The following RABGAP1L variants were observed in gnomAD, a reference collection of about 807,000 sequenced individuals.
RABGAP1L encodes the protein rab GTPase-activating protein 1-like.
Under a neutral mutation model 137.7 loss-of-function variants are expected in RABGAP1L, and 63 were observed. That is an observed-to-expected ratio of 0.46 (90% CI 0.37 to 0.56). RABGAP1L has a LOEUF of 0.56. Ranked by LOEUF, RABGAP1L falls within the 20% of genes least tolerant of loss-of-function variation. The probability of loss-of-function intolerance (pLI) is 0.00; values close to 1 mark genes in which losing one functional copy is unlikely to be tolerated. For synonymous variants in RABGAP1L, 431 were observed against 433.7 expected, an observed-to-expected ratio of 0.99 and a Z score of 0.08; for missense variants, 1,095 against 1,244.0, an observed-to-expected ratio of 0.88 and a Z score of 1.80.
chr1:174,543,779 A>G (rs909482777), intron 13 of RABGAP1L, among the ~76,000 whole-genome samples: 39 of 152,204 alleles, frequency 2.6e-4, no homozygotes, highest in African/African-American at 8.4e-4. Flanking sequence ...AGCTCTTGTA[A>G]GGCAGGCCTG....
intron 19 of RABGAP1L, among the ~76,000 whole-genome samples, chr1:174,845,824 TG>T (rs1280959952): frequency 1.6e-5 from 2 of 127,256 alleles, no homozygotes; most frequent in Non-Finnish European, 3.3e-5. Flanking sequence ...CTTGTACCTC[TG>T]GTAGAATTCA....
intron 19 of RABGAP1L, among the ~76,000 whole-genome samples, chr1:174,904,111 A>C (rs1658622724): frequency 6.6e-6 from 1 of 152,114 alleles, no homozygotes; most frequent in Admixed American, 6.6e-5. Context: ...AGTCAGTAGG[A>C]GAACTGAACT....
chr1:174,293,598 G>T (rs1390005066), intron 10 of RABGAP1L, among the ~76,000 whole-genome samples: 2 of 151,948 alleles, frequency 1.3e-5, no homozygotes, highest in African/African-American at 4.8e-5. Context: ...CTTTCCTTTA[G>T]TCTAGGTTTT....
At chr1:174,403,348 TG>T (rs1275356562) in intron 13 of RABGAP1L, among the ~76,000 whole-genome samples, 2 of 151,296 alleles carry the variant, frequency 1.3e-5, no homozygotes, top group African/African-American at 4.9e-5. Flanking sequence ...TCTTCACAGG[TG>T]TGATCATAGT....
intron 1 of RABGAP1L, among the ~76,000 whole-genome samples, chr1:174,174,193 A>AC (rs1665640657): frequency 1.8e-5 from 2 of 111,808 alleles, no homozygotes; most frequent in South Asian, 6.2e-4. Context: ...TTGGAAAAAA[A>AC]ATACACACAC....
At chr1:174,497,257 C>T (rs1660828177) in intron 13 of RABGAP1L, among the ~76,000 whole-genome samples, 1 of 152,150 alleles carries the variant, frequency 6.6e-6, no homozygotes, top group African/African-American at 2.4e-5. Context: ...AATAGGATCT[C>T]TTTTCCTTTT....
chr1:174,202,361 T>C (rs1302779662), intron 1 of RABGAP1L, among the ~76,000 whole-genome samples: 1 of 152,210 alleles, frequency 6.6e-6, no homozygotes, highest in African/African-American at 2.4e-5. Flanking sequence ...TGTGAGATGG[T>C]ATCTCATTGT....
At chr1:174,379,166 A>G (rs1014369386) in intron 12 of RABGAP1L, among the ~76,000 whole-genome samples, 13 of 149,738 alleles carry the variant, frequency 8.7e-5, no homozygotes, top group Admixed American at 5.3e-4. Flanking sequence ...TGGTACCAGT[A>G]CCATGCTGTT....
In RABGAP1L at chr1:174,784,909, C is replaced by T. The variant is rs1687341307; in HGVS notation, c.2212-26923C>T. ...ATTATTAAATCATAAGCAACTCCTC[C>T]TTAAATAAAAAGTAATGAAAGATGG... On this transcript the variant is annotated intron_variant, in intron 18 of 25. Transcript: ENST00000681986. Among the ~76,000 whole-genome samples the T allele has an allele frequency of 2.0e-5, 3 of 152,170 alleles. No homozygotes were observed. In the South Asian group the frequency reaches 6.2e-4, roughly 32 times the overall value.
chr1:174,623,124 A>G (rs1672664020), intron 13 of RABGAP1L, among the ~76,000 whole-genome samples: 1 of 152,226 alleles, frequency 6.6e-6, no homozygotes, highest in South Asian at 2.1e-4. Context: ...GAGGTTCTAC[A>G]TTAAAGGTTA....
chr1:174,247,606 C>T (rs982691608), intron 5 of RABGAP1L, among the ~76,000 whole-genome samples: 1 of 152,208 alleles, frequency 6.6e-6, no homozygotes, highest in African/African-American at 2.4e-5. Context: ...GCCTTCTTGC[C>T]CTTGCCCCAC....
chr1:174,849,874 G>A lies in RABGAP1L; in HGVS notation c.2340+37914G>A, dbSNP rs61484949. 1.0e-4 allele frequency: 59 copies of A among 570,516 alleles called. No homozygotes were observed. In the East Asian group the frequency reaches 2.8e-3, roughly 27 times the overall value. 35.3% of individuals were successfully genotyped at this position (570,516 alleles called of 1,614,324 possible). On this transcript the variant is annotated intron_variant, in intron 19 of 25. Coordinates refer to ENST00000681986, the MANE Select transcript of RABGAP1L (RefSeq NM_001366446.1). ...TTAATATTTATCATATTAAAGTGATGGCCAAAAGGCAATCTGAATTCTTTC... is the reference window on the plus strand; with the variant it reads ...TTAATATTTATCATATTAAAGTGATAGCCAAAAGGCAATCTGAATTCTTTC...
chr1:174,661,338 C>A (rs1381127164), intron 14 of RABGAP1L, among the ~76,000 whole-genome samples: 1 of 152,076 alleles, frequency 6.6e-6, no homozygotes, highest in African/African-American at 2.4e-5. Context: ...CTGTTCATCA[C>A]TGTGGACTAC....
chr1:174,453,658 T>C (rs1438655415), intron 13 of RABGAP1L, among the ~76,000 whole-genome samples: 1 of 152,180 alleles, frequency 6.6e-6, no homozygotes, highest in Non-Finnish European at 1.5e-5. Context: ...AAATTAACTT[T>C]ATTTTAGATT....
At chr1:174,931,990 G>GTTTTTTTTTTTTTTT (rs532860564) in intron 19 of RABGAP1L, among the ~76,000 whole-genome samples, 4 of 69,650 alleles carry the variant, frequency 5.7e-5, no homozygotes, top group Non-Finnish European at 8.1e-5. Context: ...TGCTTTTTTG[G>GTTTTTTTTTTTTTTT]TTTTTTTTTT....
chr1:174,299,155 A>G (rs1677419259), intron 10 of RABGAP1L, among the ~76,000 whole-genome samples: 4 of 152,246 alleles, frequency 2.6e-5, no homozygotes, highest in South Asian at 4.1e-4. Flanking sequence ...TTATTTCTAC[A>G]TAGGCCTTTT....
chr1:174,862,965 G>A (rs1056542999), intron 19 of RABGAP1L, among the ~76,000 whole-genome samples: 1 of 151,244 alleles, frequency 6.6e-6, no homozygotes, highest in Non-Finnish European at 1.5e-5. Flanking sequence ...CTCGATCTTG[G>A]CTCACTGCAA....
At chr1:174,398,203 T>C (rs541668954) in intron 13 of RABGAP1L, among the ~76,000 whole-genome samples, 4 of 152,308 alleles carry the variant, frequency 2.6e-5, no homozygotes, top group African/African-American at 9.6e-5. Context: ...GTCCAGAGTT[T>C]TTATTGGAGT....
At chr1:174,819,729 A>G (rs1690825828) in intron 19 of RABGAP1L, among the ~76,000 whole-genome samples, 1 of 152,222 alleles carries the variant, frequency 6.6e-6, no homozygotes, top group African/African-American at 2.4e-5. Context: ...TCAGAGAATG[A>G]TGACAGTTGA....
Sources: gnomAD v4.1 joint callset for allele counts (sites outside exome capture counted in the v4.1 genomes callset) on GRCh38, gnomAD v4.1.1 for gene constraint, MANE v1.5 for transcripts, NCBI Gene and HGNC (gene_info 2026-07-23, HGNC 2026-07-21) for gene names.